C14orf132: variants seen among roughly 807,000 people sequenced by gnomAD.
C14orf132 encodes chromosome 14 open reading frame 132.
In C14orf132, 6 loss-of-function variants were observed where a neutral mutation model predicts 5.8. The observed-to-expected ratio is 1.03, with a 90% CI of 0.57 to 2.04. The LOEUF is 2.04. Ranked by LOEUF, C14orf132 falls within the 30% of genes most tolerant of loss-of-function variation. C14orf132 has a pLI of 0.00. For synonymous variants in C14orf132, 51 were observed against 49.8 expected (o/e 1.02, Z -0.10); for missense variants, 125 against 115.8 (o/e 1.08, Z -0.37).
intron 1 of C14orf132, among the ~76,000 whole-genome samples, chr14:96,062,598 A>G (rs1190106202): frequency 6.6e-6 from 1 of 152,074 alleles, no homozygotes; most frequent in Non-Finnish European, 1.5e-5. Flanking sequence ...CTCTTAGGAA[A>G]AAGTCCTCCT....
intron 1 of C14orf132, among the ~76,000 whole-genome samples, chr14:96,081,039 C>T (rs1213885694): frequency 6.6e-6 from 1 of 152,216 alleles, no homozygotes; most frequent in Non-Finnish European, 1.5e-5. Flanking sequence ...TTTGCCTTGT[C>T]TTTCCTTATA....
rs1376433733 is a variant in C14orf132 at position 96,089,106 on chromosome 14, A to G, written c.*2371A>G. On this transcript the variant is annotated 3_prime_UTR_variant, in exon 2 of 2. Transcript: ENST00000555004. ...TGGTTTCTTCATCAGCTTTTTTTTT[A>G]CCAGCATCTCTCAAATAACAATGAA... 1.3e-5 allele frequency: 2 copies of G among 151,862 alleles called. No individual in the cohort carries two copies. The highest frequency in any genetic ancestry group is 6.6e-5 in the Admixed American group (1 of 15,260). 9.4% of individuals were successfully genotyped at this position (151,862 alleles called of 1,614,324 possible). A position where few individuals can be genotyped will look rare whatever the true frequency, so the allele number is the denominator to read the frequency against.
chr14:96,083,296 G>T lies in C14orf132; in HGVS notation c.28-3215G>T, dbSNP rs568933198. Among the ~76,000 whole-genome samples, 459 of 152,224 alleles carry T rather than the reference G, an allele frequency of 3.0e-3. 1 individual carries two copies. Among genetic ancestry groups the T allele is most frequent in the Non-Finnish European group, 4.5e-3 (303 of 68,012 alleles). On this transcript the variant is annotated intron_variant, in intron 1 of 1. Coordinates refer to ENST00000555004, the MANE Select transcript of C14orf132 (RefSeq NM_001252507.3). Reference sequence around the variant, plus strand: ...TTCAAGAGTTCTCTGTCTAATGGGAGGTGGACATCCAGTTATGCACACCAT... The same window carrying T: ...TTCAAGAGTTCTCTGTCTAATGGGATGTGGACATCCAGTTATGCACACCAT...
rs77622039 is a variant in C14orf132, at chr14:96,051,836, C to T, written c.27+12309C>T. ...TGGAAAGCCAGAAAGAAGTGATTGC[C>T]AGCCTTCATCGTCTTTGTCATCCTT... is the stretch of plus-strand genomic sequence containing the variant. On this transcript the variant is annotated intron_variant, in intron 1 of 1. Transcript: ENST00000555004. Among the ~76,000 whole-genome samples the T allele has an allele frequency of 3.5e-3, 533 of 152,334 alleles. 3 individuals carry two copies. Among genetic ancestry groups the T allele is most frequent in the African/African-American group, 0.012 (503 of 41,576 alleles).
intron 1 of C14orf132, among the ~76,000 whole-genome samples, chr14:96,055,797 AC>A (rs1219467607): frequency 6.6e-6 from 1 of 152,078 alleles, no homozygotes; most frequent in Non-Finnish European, 1.5e-5. Flanking sequence ...CATCCTTCTG[AC>A]CACTTAAATC....
In C14orf132 at chr14:96,088,077, CAGA is replaced by C. The variant is rs1248240431; in HGVS notation, c.*1347_*1349del. 3.3e-5 allele frequency: 5 copies of C among 151,174 alleles called. No individual in the cohort carries two copies. In the East Asian group the frequency reaches 9.8e-4, roughly 30 times the overall value. The allele number at this position is 151,174 out of a possible 1,614,324, so 9.4% of individuals were successfully genotyped here. On this transcript the variant is annotated 3_prime_UTR_variant, in exon 2 of 2. Transcript: ENST00000555004. ...CTCCTCACTTTATACACTGCAAAAA[CAGA>C]AGAATTGTGTCAATAACACCCTCTG...
intron 1 of C14orf132, among the ~76,000 whole-genome samples, chr14:96,051,426 C>G (rs1234686975): frequency 2.6e-5 from 4 of 152,238 alleles, no homozygotes; most frequent in African/African-American, 9.6e-5. Flanking sequence ...GCAGGTTGCT[C>G]CAGCCTGAGG....
intron 1 of C14orf132, among the ~76,000 whole-genome samples, chr14:96,051,735 C>T (rs376464883): frequency 6.6e-6 from 1 of 152,158 alleles, no homozygotes; most frequent in South Asian, 2.1e-4. Context: ...AGGTTCCACC[C>T]GGGTCCTGCT....
chr14:96,076,708 T>C (rs1031498931), intron 1 of C14orf132, among the ~76,000 whole-genome samples: 2 of 152,188 alleles, frequency 1.3e-5, no homozygotes, highest in African/African-American at 4.8e-5. Context: ...ATGCAGCCCG[T>C]GGGTTGTGGG....
rs554465297 is a variant in C14orf132, at chr14:96,090,820, C to T, written c.*4085C>T. On this transcript the variant is annotated 3_prime_UTR_variant, in exon 2 of 2. Transcript: ENST00000555004. ...CTCTGGCGTCTCCTGAAGTGGGTCCCTGGAGACCGAAGAGGCTCAGTGGAG... is the reference window on the plus strand; with the variant it reads ...CTCTGGCGTCTCCTGAAGTGGGTCCTTGGAGACCGAAGAGGCTCAGTGGAG... 1.3e-4 allele frequency: 59 copies of T among 456,110 alleles called. 1 individual carries two copies. Among genetic ancestry groups the T allele is most frequent in the South Asian group, 9.0e-4 (58 of 64,564 alleles). 28.3% of individuals were successfully genotyped at this position (456,110 alleles called of 1,614,324 possible).
chr14:96,070,716 A>G (rs1362098670), intron 1 of C14orf132, among the ~76,000 whole-genome samples: 2 of 151,976 alleles, frequency 1.3e-5, no homozygotes, highest in African/African-American at 4.8e-5. Flanking sequence ...CAGTTTCTGC[A>G]TCCCCTTTTG....
chr14:96,080,713 C>T (rs1197485169), intron 1 of C14orf132, among the ~76,000 whole-genome samples: 1 of 152,192 alleles, frequency 6.6e-6, no homozygotes, highest in Non-Finnish European at 1.5e-5. Context: ...AGGCAGGGCC[C>T]TCTGAGGCCC....
intron 1 of C14orf132, among the ~76,000 whole-genome samples, chr14:96,068,606 G>A (rs922245602): frequency 2.0e-5 from 3 of 152,120 alleles, no homozygotes; most frequent in African/African-American, 4.8e-5. Context: ...ATGAGCACAC[G>A]GACCATGTAG....
rs1278969121 is a variant in C14orf132, at chr14:96,039,677, G to T, written c.27+150G>T. The stretch of plus-strand genomic sequence containing the variant: ...GTCCCGAGCCGGACACCCCCACTTG[G>T]TGCACGCGTCGGGGGCGGCGATCGC... On this transcript the variant is annotated intron_variant, in intron 1 of 1. Transcript: ENST00000555004. The surrounding 1 kb of genome is among the most constrained non-coding windows in gnomAD (Gnocchi z 5.3). 6 of 806,804 alleles carry T rather than the reference G, an allele frequency of 7.4e-6. No homozygotes were observed. In the East Asian group the frequency reaches 1.4e-4, roughly 18 times the overall value. 50.0% of individuals were successfully genotyped at this position (806,804 alleles called of 1,614,324 possible). A position where few individuals can be genotyped will look rare whatever the true frequency, so the allele number is the denominator to read the frequency against.
At chr14:96,065,702 A>T (rs917854352) in intron 1 of C14orf132, among the ~76,000 whole-genome samples, 3 of 151,352 alleles carry the variant, frequency 2.0e-5, no homozygotes, top group African/African-American at 7.4e-5. Flanking sequence ...CTGTTCAGCC[A>T]ATGAACGAGA....
intron 1 of C14orf132, among the ~76,000 whole-genome samples, chr14:96,067,756 G>T (rs1245045610): frequency 2.0e-5 from 3 of 150,848 alleles, no homozygotes; most frequent in African/African-American, 7.3e-5. Flanking sequence ...ATTGTGCCTG[G>T]TCACACTTGG....
intron 1 of C14orf132, among the ~76,000 whole-genome samples, chr14:96,081,526 A>G (rs1163073680): frequency 6.6e-6 from 1 of 152,222 alleles, no homozygotes; most frequent in Non-Finnish European, 1.5e-5. Context: ...ATACTGTGAT[A>G]CTGTGGAAGA....
intron 1 of C14orf132, among the ~76,000 whole-genome samples, chr14:96,066,754 A>G (rs1366951414): frequency 6.6e-6 from 1 of 152,192 alleles, no homozygotes; most frequent in Non-Finnish European, 1.5e-5. Flanking sequence ...TCTAACTATA[A>G]GATAATGTAA....
Position 96,053,304 on chromosome 14 carries a change from G to A in C14orf132, c.27+13777G>A, listed in dbSNP as rs570364861. On this transcript the variant is annotated intron_variant, in intron 1 of 1. Transcript: ENST00000555004. Reference sequence around the variant, plus strand: ...CGTTCTAGGCACTGGGGACGCTGGGGAACAAGCACTAAATTCCCTGCTCTC... The same window carrying A: ...CGTTCTAGGCACTGGGGACGCTGGGAAACAAGCACTAAATTCCCTGCTCTC... Among the ~76,000 whole-genome samples the A allele has an allele frequency of 5.9e-5, 9 of 152,356 alleles. No individual in the cohort carries two copies. The East Asian group carries it at 1.5e-3, about 26-fold the overall frequency.
Sources: allele counts gnomAD v4.1 joint callset (sites outside exome capture counted in the v4.1 genomes callset), GRCh38; gene constraint gnomAD v4.1.1; non-coding constraint Gnocchi (gnomAD v3.1); transcripts MANE v1.5; gene names NCBI Gene and HGNC (gene_info 2026-07-23, HGNC 2026-07-21).